Variants in SLIT1 observed in about 807,000 individuals in gnomAD.
SLIT1 encodes the protein slit guidance ligand 1, also known as slit homolog 1 protein.
SLIT1 carries 66 observed loss-of-function variants against 186.1 expected under a neutral mutation model. The observed-to-expected ratio is 0.35, with a 90% CI of 0.29 to 0.44. SLIT1 has a LOEUF of 0.44. Ranked by LOEUF, SLIT1 falls within the 20% of genes least tolerant of loss-of-function variation. The pLI, the probability that SLIT1 is intolerant of heterozygous loss-of-function variation, is 1.00. For missense variants in SLIT1, 1,638 were observed against 2,037.4 expected (o/e 0.80, Z 3.77); for synonymous variants, 761 against 833.8 (o/e 0.91, Z 1.50).
intron 4 of SLIT1, among the ~76,000 whole-genome samples, chr10:97,124,745 G>A (rs971702949): frequency 1.3e-5 from 2 of 152,154 alleles, no homozygotes; most frequent in Non-Finnish European, 2.9e-5. Context: ...CCAGCCCTTG[G>A]ACAGAGAAGC....
chr10:97,106,644 T>G (rs914523713), intron 4 of SLIT1, among the ~76,000 whole-genome samples: 1 of 151,852 alleles, frequency 6.6e-6, no homozygotes, highest in Non-Finnish European at 1.5e-5. Context: ...TAAAGTTGTT[T>G]TTTTTTTTTT....
chr10:97,008,521 C>A (rs1484976251), intron 31 of SLIT1, among the ~76,000 whole-genome samples: 1 of 152,068 alleles, frequency 6.6e-6, no homozygotes, highest in South Asian at 2.1e-4. Flanking sequence ...ATGGTGAAAA[C>A]CAGTTTCTAC....
At position 97,185,636 on chromosome 10, in the gene SLIT1, C is replaced by G; in HGVS notation, c.39G>C (p.Pro13=). ...LTPGWGSSAG[P]VRPELWLLLW... ...GCAGCAGCCAGAGCTCCGGCCGGAC[C>G]GGCCCCGCCGAGGACCCCCACCCGG... The change falls in exon 1 of 37, where the codon CCG becomes CCC. Residue 13 remains proline, a synonymous_variant. Coordinates refer to ENST00000266058, the MANE Select transcript of SLIT1 (RefSeq NM_003061.3). 6.5e-7 allele frequency: 1 copy of G among 1,540,880 alleles called. No individual in the cohort carries two copies. Among genetic ancestry groups the G allele is most frequent in the Non-Finnish European group, 8.7e-7 (1 of 1,145,220 alleles).
chr10:97,008,943 G>A (rs950534388), intron 31 of SLIT1, among the ~76,000 whole-genome samples: 2 of 151,556 alleles, frequency 1.3e-5, no homozygotes, highest in South Asian at 2.1e-4. Context: ...GCAGTGGCAC[G>A]ATCTCGGCTC....
At chr10:97,141,775 C>T (rs1335807031) in intron 4 of SLIT1, among the ~76,000 whole-genome samples, 3 of 148,634 alleles carry the variant, frequency 2.0e-5, no homozygotes, top group African/African-American at 7.7e-5. Context: ...TTGTATCGTA[C>T]TGTATTGTAT....
intron 4 of SLIT1, among the ~76,000 whole-genome samples, chr10:97,095,792 C>T (rs999281989): frequency 1.6e-4 from 24 of 152,288 alleles, no homozygotes; most frequent in South Asian, 1.0e-3. Context: ...TTGGGTGCGA[C>T]CCTCTGCCAC....
At chr10:97,092,347 T>C (rs1371934317) in intron 4 of SLIT1, among the ~76,000 whole-genome samples, 2 of 152,240 alleles carry the variant, frequency 1.3e-5, no homozygotes, top group African/African-American at 4.8e-5. Flanking sequence ...GGAAGAGACA[T>C]GCACTCATCT....
In SLIT1 at chr10:97,185,948, T is replaced by C. The variant is rs1850410091; in HGVS notation, c.-274A>G. On this transcript the variant is annotated 5_prime_UTR_variant, in exon 1 of 37. Coordinates refer to ENST00000266058, the MANE Select transcript of SLIT1 (RefSeq NM_003061.3). ...TCCCTCCCTCCAGCTCCCAACTGAC[T>C]GCTGCGAGGAGGAAAATGGGCAGGC... 1 of 467,154 alleles carries C rather than the reference T, an allele frequency of 2.1e-6. No homozygotes were observed. The highest frequency in any genetic ancestry group is 3.8e-6 in the Non-Finnish European group (1 of 266,510). The allele number at this position is 467,154 out of a possible 1,614,324, so 28.9% of individuals were successfully genotyped here.
chr10:97,085,809 T>A (rs1049875433), intron 4 of SLIT1, among the ~76,000 whole-genome samples: 2 of 152,240 alleles, frequency 1.3e-5, no homozygotes, highest in African/African-American at 4.8e-5. Flanking sequence ...ATGCCTAGCA[T>A]GGAGGTGGGA....
intron 1 of SLIT1, among the ~76,000 whole-genome samples, chr10:97,175,457 G>T (rs960952206): frequency 5.3e-5 from 8 of 152,190 alleles, no homozygotes; most frequent in Middle Eastern, 3.4e-3. Context: ...TTGATTTTTT[G>T]AGGAACCGCC....
At position 97,000,003 on chromosome 10, in the gene SLIT1, T is replaced by A. The variant is rs368891066; in HGVS notation, c.*1109A>T. The A allele has an allele frequency of 3.3e-5, 5 of 152,326 alleles. No individual in the cohort carries two copies. The East Asian group carries it at 7.7e-4, about 23-fold the overall frequency. 9.4% of individuals were successfully genotyped at this position (152,326 alleles called of 1,614,324 possible). ...ACCACAGTGGGGGAGTCTGCACTGTTCCTTTAGTCATCCCGCCCCCCACCT... is the reference window on the plus strand; with the variant it reads ...ACCACAGTGGGGGAGTCTGCACTGTACCTTTAGTCATCCCGCCCCCCACCT... On this transcript the variant is annotated 3_prime_UTR_variant, in exon 37 of 37. Transcript: ENST00000266058.
chr10:96,998,264 A>AAAT lies in SLIT1; in HGVS notation c.*2845_*2847dup, dbSNP rs1389833490. 2.0e-5 allele frequency: 3 copies of AAAT among 152,230 alleles called. No individual in the cohort carries two copies. Among genetic ancestry groups the AAAT allele is most frequent in the African/African-American group, 7.2e-5 (3 of 41,452 alleles). The allele number at this position is 152,230 out of a possible 1,614,324, so 9.4% of individuals were successfully genotyped here. On this transcript the variant is annotated 3_prime_UTR_variant, in exon 37 of 37. Transcript: ENST00000266058. ...GCTGGATGTTGACTTTAACATATAA[A>AAAT]AATACTGTAACAAAATGAAATACAA...
At chr10:97,131,033 A>G (rs1849649593) in intron 4 of SLIT1, among the ~76,000 whole-genome samples, 1 of 152,202 alleles carries the variant, frequency 6.6e-6, no homozygotes, top group Non-Finnish European at 1.5e-5. Flanking sequence ...TGGCCAGGAC[A>G]TAGAACAGAG....
At chr10:97,054,484 C>CA (rs1320782653) in intron 13 of SLIT1, among the ~76,000 whole-genome samples, 1 of 152,166 alleles carries the variant, frequency 6.6e-6, no homozygotes, top group Non-Finnish European at 1.5e-5. Context: ...GATACAAATT[C>CA]AAAATCACCA....
intron 1 of SLIT1, 22 bp downstream of exon 1, chr10:97,185,456 C>T: frequency 6.2e-7 from 1 of 1,606,056 alleles, no homozygotes; most frequent in African/African-American, 1.3e-5. Flanking sequence ...GCCAGGGAGC[C>T]AGGGGCGGGG....
At position 97,011,046 on chromosome 10, in the gene SLIT1, G is replaced by A. The variant is rs150293039; in HGVS notation, c.3288C>T (p.Ala1096=). ...AGCTGTTGACTTCATCCATACACTG[G>A]GCCCCATTCTGGCAGCGGTGGTCCC... is the stretch of plus-strand genomic sequence containing the variant. ...DCRDHRCQNG[A]QCMDEVNSYS... is the part of the protein sequence containing the mutation. Residue 1096 remains alanine, a synonymous_variant, in exon 31 of 37, where the codon GCC becomes GCT. Transcript: ENST00000266058. 3.1e-6 allele frequency: 5 copies of A among 1,613,894 alleles called. No homozygotes were observed. The African/African-American group carries it at 6.7e-5, about 22-fold the overall frequency.
rs1028299627 is a variant in SLIT1 at position 97,014,111 on chromosome 10, G to C, written c.3017C>G (p.Thr1006Arg). The C allele has an allele frequency of 3.7e-6, 6 of 1,614,094 alleles. No individual in the cohort carries two copies. The highest frequency in any genetic ancestry group is 5.1e-6 in the Non-Finnish European group (6 of 1,180,044). Residue 1006 changes from threonine to arginine, a missense_variant, in exon 29 of 37, where the codon ACA becomes AGA. This residue lies in a region of SLIT1 where 1,245 missense variants were observed against 1,535.3 expected (regional missense o/e 0.81). Transcript: ENST00000266058. ...GFEGPTCGVN[T>R]DDCVDHACAN... The stretch of plus-strand genomic sequence containing the variant: ...ACAGGCATGATCCACACAGTCATCT[G>C]TGTTCACCCCACAGGTTGGTCCTTC...
chr10:97,141,676 C>CATTGCATTGTATTGTATT (rs1849760565), intron 4 of SLIT1, among the ~76,000 whole-genome samples: 2 of 140,240 alleles, frequency 1.4e-5, no homozygotes, highest in Non-Finnish European at 3.0e-5. Context: ...TGCATTGTAT[C>CATTGCATTGTATTGTATT]GTATTGTATC....
intron 1 of SLIT1, among the ~76,000 whole-genome samples, chr10:97,172,754 T>C (rs1204501277): frequency 6.6e-6 from 1 of 152,048 alleles, no homozygotes; most frequent in East Asian, 1.9e-4. Context: ...AAATTTTATT[T>C]TAATTAACCA....
Sources: gnomAD v4.1 joint callset for allele counts (sites outside exome capture counted in the v4.1 genomes callset) on GRCh38, gnomAD v4.1.1 for gene constraint, gnomAD v4.1.1 regional missense constraint, MANE v1.5 for transcripts, NCBI Gene and HGNC (gene_info 2026-07-23, HGNC 2026-07-21) for gene names.